CEP89: variants seen among roughly 807,000 people sequenced by gnomAD.
CEP89 encodes centrosomal protein of 89 kDa.
In CEP89, 95 loss-of-function variants were observed where a neutral mutation model predicts 97.6. That is an observed-to-expected ratio of 0.97 (90% CI 0.82 to 1.15). The LOEUF (loss-of-function observed/expected upper bound fraction) is 1.15, where lower values mean the gene tolerates loss of function less well. Among genes scored for constraint, CEP89 ranks in the 50% most tolerant of loss-of-function variants. The pLI, the probability that CEP89 is intolerant of heterozygous loss-of-function variation, is 0.00. For synonymous variants in CEP89, 354 were observed against 349.1 expected (o/e 1.01, Z -0.16); for missense variants, 869 against 947.7 (o/e 0.92, Z 1.09).
In CEP89 at chr19:32,957,169, A is replaced by T. The variant is rs115148120; in HGVS notation, c.305+2731T>A. On this transcript the variant is annotated intron_variant, in intron 3 of 18. Transcript: ENST00000305768. ...CTTTATCTATATGTTTTAAAATATG[A>T]CAGGGCTGGGCACAATGGCTTTTTA... 6.5e-3 allele frequency among the ~76,000 whole-genome samples: 997 copies of T among 152,286 alleles called. 14 individuals are homozygous for T. Among genetic ancestry groups the T allele is most frequent in the African/African-American group, 0.023 (955 of 41,560 alleles).
intron 17 of CEP89, among the ~76,000 whole-genome samples, chr19:32,886,219 G>A (rs549792263): frequency 4.6e-5 from 7 of 152,304 alleles, no homozygotes; most frequent in African/African-American, 9.6e-5. Flanking sequence ...AGCAGTTTCC[G>A]TCAGTAGGAA....
intron 2 of CEP89, among the ~76,000 whole-genome samples, chr19:32,960,399 G>A (rs1307030130): frequency 1.3e-5 from 2 of 152,042 alleles, no homozygotes; most frequent in Non-Finnish European, 2.9e-5. Flanking sequence ...AATGGAAAAA[G>A]AAAATGAGAT....
chr19:32,966,343 G>C lies in CEP89; in HGVS notation c.146+17C>G, dbSNP rs1971282623. On this transcript the variant is annotated intron_variant, in intron 2 of 18. Coordinates refer to ENST00000305768, the MANE Select transcript of CEP89 (RefSeq NM_032816.5). ...GAGCACAGGGGTGACCTCAGTGCCT[G>C]CTCATCTGATACTCACCTTGGTCTC... 2 of 1,453,644 alleles carry C rather than the reference G, an allele frequency of 1.4e-6. No individual in the cohort carries two copies. The highest frequency in any genetic ancestry group is 5.1e-5 in the East Asian group (2 of 38,878). 90.0% of individuals were successfully genotyped at this position (1,453,644 alleles called of 1,614,324 possible). A position where few individuals can be genotyped will look rare whatever the true frequency, so the allele number is the denominator to read the frequency against.
chr19:32,935,149 A>C (rs1970553912), intron 7 of CEP89, among the ~76,000 whole-genome samples: 1 of 152,042 alleles, frequency 6.6e-6, no homozygotes. Flanking sequence ...GGGCTGGAGA[A>C]AGCCAGGAGG....
chr19:32,953,154 G>A (rs1439873400), intron 4 of CEP89, among the ~76,000 whole-genome samples: 1 of 151,110 alleles, frequency 6.6e-6, no homozygotes, highest in Non-Finnish European at 1.5e-5. Flanking sequence ...TCCTCAGCGA[G>A]TCAGTGGGGG....
intron 16 of CEP89, among the ~76,000 whole-genome samples, chr19:32,898,057 T>C (rs1969680757): frequency 6.6e-6 from 1 of 151,152 alleles, no homozygotes; most frequent in South Asian, 2.1e-4. Flanking sequence ...GAAATCAGTA[T>C]ATCAAAGGGA....
At chr19:32,920,023 CTTCA>C (rs993234853) in intron 12 of CEP89, among the ~76,000 whole-genome samples, 3 of 151,744 alleles carry the variant, frequency 2.0e-5, no homozygotes, top group Admixed American at 6.6e-5. Flanking sequence ...TCCTCCCTTC[CTTCA>C]TTCATTTCAC....
chr19:32,940,820 G>A (rs117125595), intron 5 of CEP89, among the ~76,000 whole-genome samples: 22,030 of 151,480 alleles, frequency 0.15, 1,966 homozygotes, highest in Non-Finnish European at 0.21. Context: ...GAGTACAATG[G>A]TGCAATCTTG....
chr19:32,891,336 G>T (rs1969512194), intron 16 of CEP89, among the ~76,000 whole-genome samples: 1 of 151,028 alleles, frequency 6.6e-6, no homozygotes, highest in African/African-American at 2.4e-5. Flanking sequence ...CATGTTGGTT[G>T]CCCCAGGCAC....
At chr19:32,891,345 A>G (rs920767294) in intron 16 of CEP89, among the ~76,000 whole-genome samples, 28 of 151,974 alleles carry the variant, frequency 1.8e-4, no homozygotes, top group Non-Finnish European at 1.3e-4. Flanking sequence ...TGCCCCAGGC[A>G]CACACACAAA....
intron 16 of CEP89, among the ~76,000 whole-genome samples, chr19:32,888,614 C>T (rs1051092354): frequency 7.3e-5 from 11 of 150,598 alleles, no homozygotes; most frequent in African/African-American, 2.0e-4. Flanking sequence ...ACCCAGGAGG[C>T]GGAGGTTGCA....
At chr19:32,931,369 C>A (rs755740976) in intron 9 of CEP89, 60 bp downstream of exon 9, 6 of 1,424,882 alleles carry the variant, frequency 4.2e-6, no homozygotes, top group Admixed American at 2.5e-5. Context: ...GATTGGAAAT[C>A]AATTCAACAG....
At chr19:32,945,284 CAAAAAAA>C (rs10709515) in intron 5 of CEP89, among the ~76,000 whole-genome samples, 1 of 95,886 alleles carries the variant, frequency 1.0e-5, no homozygotes, top group Non-Finnish European at 2.1e-5. Flanking sequence ...AACTATGTTT[CAAAAAAA>C]AAAAAAAAAA....
At chr19:32,966,245 A>G in intron 2 of CEP89, 115 bp downstream of exon 2, 1 of 456,024 alleles carries the variant, frequency 2.2e-6, no homozygotes, top group Non-Finnish European at 3.9e-6. Context: ...ATTTTGAAGG[A>G]CATGATTCTA....
chr19:32,922,576 A>G (rs1970271931), intron 12 of CEP89, among the ~76,000 whole-genome samples: 1 of 151,750 alleles, frequency 6.6e-6, no homozygotes, highest in Admixed American at 6.6e-5. Context: ...CGCCAGGCGC[A>G]GTGGCTCACG....
At chr19:32,933,184 T>C (rs555081694) in intron 8 of CEP89, among the ~76,000 whole-genome samples, 2 of 152,340 alleles carry the variant, frequency 1.3e-5, no homozygotes, top group South Asian at 4.1e-4. Context: ...ATATGTAAGC[T>C]AAGCATCAAG....
chr19:32,930,253 CCT>C (rs1970444510), intron 9 of CEP89, among the ~76,000 whole-genome samples: 1 of 151,932 alleles, frequency 6.6e-6, no homozygotes, highest in East Asian at 1.9e-4. Flanking sequence ...GTCTCAAACG[CCT>C]GACTTCAACT....
At chr19:32,915,918 GAAAAA>G (rs67539579) in intron 13 of CEP89, among the ~76,000 whole-genome samples, 1 of 119,672 alleles carries the variant, frequency 8.4e-6, no homozygotes, top group African/African-American at 3.3e-5. Context: ...GACTCTCTCA[GAAAAA>G]AAAAAAAAAA....
intron 6 of CEP89, among the ~76,000 whole-genome samples, chr19:32,938,103 G>A (rs1970615570): frequency 6.6e-6 from 1 of 150,540 alleles, no homozygotes; most frequent in South Asian, 2.1e-4. Flanking sequence ...CTCCCAACAT[G>A]CTGGGATTAC....
Sources: allele counts gnomAD v4.1 joint callset (sites outside exome capture counted in the v4.1 genomes callset), GRCh38; gene constraint gnomAD v4.1.1; transcripts MANE v1.5; gene names NCBI Gene and HGNC (gene_info 2026-07-23, HGNC 2026-07-21).